Variants in PEX7 observed in about 807,000 individuals in gnomAD.
The protein encoded by PEX7 is PTS2 receptor.
In PEX7, 34 loss-of-function variants were observed where a neutral mutation model predicts 47.5. The ratio of observed to expected loss-of-function variants is 0.72; its 90% confidence interval spans 0.54 to 0.95. The LOEUF (loss-of-function observed/expected upper bound fraction) is 0.95, where lower values mean the gene tolerates loss of function less well. Ranked by LOEUF, PEX7 falls within the 40% of genes least tolerant of loss-of-function variation. PEX7 has a pLI of 0.00. For missense variants in PEX7, 394 were observed against 400.3 expected, an observed-to-expected ratio of 0.98 and a Z score of 0.13; for synonymous variants, 141 against 148.8, an observed-to-expected ratio of 0.95 and a Z score of 0.38.
intron 9 of PEX7, among the ~76,000 whole-genome samples, chr6:136,908,497 T>C (rs552198121): frequency 1.3e-5 from 2 of 152,286 alleles, no homozygotes; most frequent in South Asian, 4.1e-4. Context: ...ATTAGCATGT[T>C]GGTCTTAGCT....
At chr6:136,895,852 C>G (rs1730299909) in intron 8 of PEX7, among the ~76,000 whole-genome samples, 1 of 152,166 alleles carries the variant, frequency 6.6e-6, no homozygotes, top group South Asian at 2.1e-4. Flanking sequence ...CTTTGATGAA[C>G]TCTTTGCAAG....
At position 136,913,930 on chromosome 6, in the gene PEX7, T is replaced by A. The variant is rs558738235; in HGVS notation, c.*404T>A. 5.4e-6 allele frequency: 1 copy of A among 185,936 alleles called. No individual in the cohort carries two copies. The highest frequency in any genetic ancestry group is 1.5e-4 in the East Asian group (1 of 6,886). 11.5% of individuals were successfully genotyped at this position (185,936 alleles called of 1,614,324 possible). ...TAAACTATCTATTGATCATTTATCATTTTATAACTTCCCCCAAAAGACTGC... is the reference window on the plus strand; with the variant it reads ...TAAACTATCTATTGATCATTTATCAATTTATAACTTCCCCCAAAAGACTGC... On this transcript the variant is annotated 3_prime_UTR_variant, in exon 10 of 10. Transcript: ENST00000318471.
chr6:136,839,997 G>A (rs1774465849), intron 3 of PEX7, among the ~76,000 whole-genome samples: 1 of 152,148 alleles, frequency 6.6e-6, no homozygotes, highest in African/African-American at 2.4e-5. Flanking sequence ...TAAAGGGGAA[G>A]TTGGAATGAA....
chr6:136,884,944 G>A (rs11962316), intron 8 of PEX7, among the ~76,000 whole-genome samples: 5,423 of 152,142 alleles, frequency 0.036, 97 homozygotes, highest in African/African-American at 0.051. Flanking sequence ...TGTTATCATC[G>A]TAGATTTTAG....
rs181733134 is a variant in PEX7 at position 136,907,758 on chromosome 6, G to A, written c.904-5700G>A. ...TTTGAGATAAGTTACCTTATCAGTT[G>A]CATGTGTAAATATTTTAATAAAGTG... On this transcript the variant is annotated intron_variant, in intron 9 of 9. Coordinates refer to ENST00000318471, the MANE Select transcript of PEX7 (RefSeq NM_000288.4). Among the ~76,000 whole-genome samples the A allele has an allele frequency of 7.9e-5, 12 of 152,180 alleles. No individual in the cohort carries two copies. In the East Asian group the frequency reaches 1.7e-3, roughly 22 times the overall value.
At chr6:136,872,323 G>A in intron 8 of PEX7, 70 bp downstream of exon 8, 1 of 1,123,724 alleles carries the variant, frequency 8.9e-7, no homozygotes, top group South Asian at 1.3e-5. Context: ...ACTTTTATAA[G>A]AGATAATATG....
chr6:136,855,641 A>C (rs1774848335), intron 5 of PEX7: 1 of 273,434 alleles, frequency 3.7e-6, no homozygotes, highest in Non-Finnish European at 7.0e-6. Flanking sequence ...TGCCCGGCCT[A>C]TTTAAGGTTC....
intron 8 of PEX7, 88 bp from the exon 9 acceptor site, chr6:136,898,054 T>A: frequency 1.3e-6 from 1 of 794,362 alleles, no homozygotes; most frequent in Non-Finnish European, 2.2e-6. Context: ...GGATAAAATC[T>A]TTGCTATGTC....
chr6:136,881,953 A>G (rs1775382326), intron 8 of PEX7, among the ~76,000 whole-genome samples: 2 of 152,190 alleles, frequency 1.3e-5, no homozygotes, highest in Non-Finnish European at 2.9e-5. Context: ...TTATAGTTCA[A>G]TAATAGGAGA....
At chr6:136,850,184 C>CTT (rs558174589) in intron 5 of PEX7, among the ~76,000 whole-genome samples, 3 of 147,642 alleles carry the variant, frequency 2.0e-5, no homozygotes, top group Admixed American at 1.4e-4. Flanking sequence ...GCAACCTCTG[C>CTT]TTTTTTTTTT....
chr6:136,862,935 G>A (rs3799476), intron 5 of PEX7, among the ~76,000 whole-genome samples: 97,272 of 151,904 alleles, frequency 0.64, 31,273 homozygotes, highest in African/African-American at 0.7. Flanking sequence ...GCCAAACACT[G>A]GACATCCACG....
intron 9 of PEX7, among the ~76,000 whole-genome samples, chr6:136,908,790 T>C (rs1179447761): frequency 6.6e-6 from 1 of 152,188 alleles, no homozygotes; most frequent in African/African-American, 2.4e-5. Flanking sequence ...TTAAATTGCC[T>C]TAAAACTAAA....
At chr6:136,872,177 T>A (rs199893097) in intron 7 of PEX7, 21 bp from the exon 8 acceptor site, 1 of 1,602,232 alleles carries the variant, frequency 6.2e-7, no homozygotes, top group Non-Finnish European at 8.5e-7. Context: ...AAGGGTTTTT[T>A]TTTTCTTTTT....
chr6:136,907,057 G>A (rs1332394998), intron 9 of PEX7, among the ~76,000 whole-genome samples: 2 of 151,942 alleles, frequency 1.3e-5, no homozygotes, highest in African/African-American at 4.8e-5. Flanking sequence ...GTTTTTACCC[G>A]TTTCTCTTGC....
intron 9 of PEX7, among the ~76,000 whole-genome samples, chr6:136,911,514 TCC>T (rs1344418495): frequency 1.3e-5 from 2 of 152,194 alleles, no homozygotes; most frequent in East Asian, 3.9e-4. Context: ...GAAGCGATTC[TCC>T]CACCTCAGCC....
At chr6:136,888,006 G>A (rs1223579972) in intron 8 of PEX7, among the ~76,000 whole-genome samples, 2 of 151,980 alleles carry the variant, frequency 1.3e-5, no homozygotes, top group African/African-American at 2.4e-5. Flanking sequence ...TGGTGTGGCT[G>A]ATGGGCTTTT....
intron 9 of PEX7, among the ~76,000 whole-genome samples, chr6:136,912,615 A>G (rs1221517179): frequency 6.6e-6 from 1 of 152,134 alleles, no homozygotes; most frequent in African/African-American, 2.4e-5. Flanking sequence ...TCTTGATTAC[A>G]GTAGTTTCGT....
At chr6:136,837,293 T>C (rs184707692) in intron 3 of PEX7, among the ~76,000 whole-genome samples, 49 of 132,460 alleles carry the variant, frequency 3.7e-4, no homozygotes, top group Non-Finnish European at 7.0e-4. Flanking sequence ...ACCTGGGAGG[T>C]GGAGCTTGCA....
intron 8 of PEX7, among the ~76,000 whole-genome samples, chr6:136,890,025 G>A (rs902371482): frequency 1.3e-5 from 2 of 152,214 alleles, no homozygotes; most frequent in African/African-American, 4.8e-5. Flanking sequence ...TCAGCTGGTA[G>A]TAGTTTACAC....
Sources: allele counts gnomAD v4.1 joint callset (sites outside exome capture counted in the v4.1 genomes callset), GRCh38; gene constraint gnomAD v4.1.1; transcripts MANE v1.5; gene names NCBI Gene and HGNC (gene_info 2026-07-23, HGNC 2026-07-21).